Variants in PNLIP observed in about 807,000 individuals in gnomAD.
PNLIP encodes pancreatic triacylglycerol lipase.
Under a neutral mutation model 57.1 loss-of-function variants are expected in PNLIP, and 49 were observed. The observed-to-expected ratio is 0.86, with a 90% CI of 0.68 to 1.09. PNLIP has a LOEUF of 1.09. PNLIP is among the 50% of genes least tolerant of loss of function. The pLI is 0.00. For synonymous variants in PNLIP, 209 were observed against 200.4 expected, an observed-to-expected ratio of 1.04 and a Z score of -0.36; for missense variants, 503 against 570.2, an observed-to-expected ratio of 0.88 and a Z score of 1.20.
chr10:116,565,191 A>T (rs1271762878), intron 12 of PNLIP, among the ~76,000 whole-genome samples: 1 of 131,954 alleles, frequency 7.6e-6, no homozygotes, highest in African/African-American at 2.8e-5. Flanking sequence ...CGGAGCTTGC[A>T]GTGAGCCAAG....
intron 12 of PNLIP, 137 bp from the exon 13 acceptor site, chr10:116,567,598 C>T: frequency 1.4e-6 from 1 of 697,122 alleles, no homozygotes; most frequent in Non-Finnish European, 2.6e-6. Flanking sequence ...GGTCTTCCCT[C>T]AGCCATTGTC....
At chr10:116,549,376 G>A (rs748545858) in intron 4 of PNLIP, among the ~76,000 whole-genome samples, 1 of 152,164 alleles carries the variant, frequency 6.6e-6, no homozygotes, top group African/African-American at 2.4e-5. Context: ...CTACTCAGGA[G>A]GCTGAGGCAG....
chr10:116,547,550 C>G (rs552157482), intron 3 of PNLIP, 102 bp downstream of exon 3: 2 of 892,742 alleles, frequency 2.2e-6, no homozygotes, highest in Non-Finnish European at 3.4e-6. Context: ...CATGGTGAAA[C>G]CCCATCTCTA....
In PNLIP at chr10:116,548,502, C is replaced by T; in HGVS notation, c.324+20C>T. 1.2e-6 allele frequency: 2 copies of T among 1,609,602 alleles called. No individual in the cohort carries two copies. Among genetic ancestry groups the T allele is most frequent in the Non-Finnish European group, 1.7e-6 (2 of 1,177,934 alleles). Reference sequence around the variant, plus strand: ...TGCAAGGTGAGATGTGGTCATCTCTCAAGGAAAGATCGTTTCCAAAGTGGT... The same window carrying T: ...TGCAAGGTGAGATGTGGTCATCTCTTAAGGAAAGATCGTTTCCAAAGTGGT... On this transcript the variant is annotated intron_variant, in intron 4 of 12. Transcript: ENST00000369221.
chr10:116,565,818 AT>A (rs201572630), intron 12 of PNLIP, among the ~76,000 whole-genome samples: 2,825 of 135,526 alleles, frequency 0.021, 92 homozygotes, highest in African/African-American at 0.072. Flanking sequence ...ATTTATAGCA[AT>A]TTTTTTTTGA....
At chr10:116,551,585 C>T (rs1019557951) in intron 5 of PNLIP, among the ~76,000 whole-genome samples, 1 of 152,108 alleles carries the variant, frequency 6.6e-6, no homozygotes. Flanking sequence ...AAGAGAAGCA[C>T]GGTGATAACA....
At chr10:116,553,527 T>C (rs991486183) in intron 5 of PNLIP, among the ~76,000 whole-genome samples, 200 bp from the exon 6 acceptor site, 1 of 152,238 alleles carries the variant, frequency 6.6e-6, no homozygotes, top group African/African-American at 2.4e-5. Flanking sequence ...CTGTACAGAT[T>C]TGTAGCCTAG....
intron 12 of PNLIP, among the ~76,000 whole-genome samples, chr10:116,565,821 T>C (rs1589560527): frequency 2.6e-5 from 4 of 151,792 alleles, no homozygotes; most frequent in African/African-American, 9.7e-5. Flanking sequence ...TATAGCAATT[T>C]TTTTTTGAGA....
In PNLIP at chr10:116,551,130, C is replaced by T; in HGVS notation, c.357C>T (p.Ile119=). ...TCAAGGTGGAAAGTGTGAACTGTAT[C>T]TGTGTGGACTGGAAAGGTGGCTCCC... is the stretch of plus-strand genomic sequence containing the variant. The part of the protein sequence containing the change: ...NLFKVESVNC[I]CVDWKGGSRT... Residue 119 remains isoleucine, a synonymous_variant, in exon 5 of 13, where the codon ATC becomes ATT. Coordinates refer to ENST00000369221, the MANE Select transcript of PNLIP (RefSeq NM_000936.4). 3 of 1,611,290 alleles carry T rather than the reference C, an allele frequency of 1.9e-6. No individual in the cohort carries two copies. The highest frequency in any genetic ancestry group is 2.5e-6 in the Non-Finnish European group (3 of 1,178,410).
At chr10:116,564,879 A>G (rs2133209682) in intron 12 of PNLIP, among the ~76,000 whole-genome samples, 1 of 152,276 alleles carries the variant, frequency 6.6e-6, no homozygotes, top group South Asian at 2.1e-4. Context: ...TGAAACAACC[A>G]CTAAAGTAAT....
intron 12 of PNLIP, among the ~76,000 whole-genome samples, chr10:116,565,461 CTTT>C (rs559369951): frequency 4.5e-5 from 6 of 134,786 alleles, no homozygotes; most frequent in Non-Finnish European, 3.2e-5. Flanking sequence ...ATAAAATGCA[CTTT>C]TTTTTTTTTT....
chr10:116,555,192 G>C lies in PNLIP; in HGVS notation c.586G>C (p.Glu196Gln), dbSNP rs767277744. The C allele has an allele frequency of 5.0e-6, 8 of 1,614,148 alleles. No individual in the cohort carries two copies. The South Asian group carries it at 8.8e-5, about 18-fold the overall frequency. Reference protein sequence around the residue: ...IGRITGLDPAEPCFQGTPELV... With the variant: ...IGRITGLDPAQPCFQGTPELV... ...CTTTACTTTAGGGTTGGACCCAGCA[G>C]AACCTTGCTTTCAGGGCACACCTGA... Residue 196 changes from glutamate (E) to glutamine (Q), a missense_variant, in exon 7 of 13, where the codon GAA (glutamate) becomes CAA (glutamine). By Grantham distance (29) the Glu-to-Gln change is conservative. Transcript: ENST00000369221.
chr10:116,547,405 C>T lies in PNLIP; in HGVS notation c.158C>T (p.Thr53Ile). 1 of 1,614,026 alleles carries T rather than the reference C, an allele frequency of 6.2e-7. No homozygotes were observed. The highest frequency in any genetic ancestry group is 1.3e-5 in the African/African-American group (1 of 75,032). The change falls in exon 3 of 13, where the codon ACC becomes ATC. Residue 53 changes from threonine (T) to isoleucine (I), a missense_variant. Coordinates refer to ENST00000369221, the MANE Select transcript of PNLIP (RefSeq NM_000936.4). Reference protein sequence around the residue: ...ILPWSPKDVNTRFLLYTNENP... With the variant: ...ILPWSPKDVNIRFLLYTNENP... Reference sequence around the variant, plus strand: ...CCTTGGTCTCCAAAAGATGTCAACACCCGCTTCCTCCTATATACTAATGAG... The same window carrying T: ...CCTTGGTCTCCAAAAGATGTCAACATCCGCTTCCTCCTATATACTAATGAG...
At chr10:116,565,925 C>T (rs914989677) in intron 12 of PNLIP, among the ~76,000 whole-genome samples, 3 of 152,194 alleles carry the variant, frequency 2.0e-5, no homozygotes, top group Non-Finnish European at 2.9e-5. Flanking sequence ...TCTCCTGCCT[C>T]GGCCTCCCCA....
intron 8 of PNLIP, 90 bp downstream of exon 8, chr10:116,555,597 G>C (rs1847245012): frequency 5.1e-6 from 7 of 1,383,974 alleles, no homozygotes; most frequent in Non-Finnish European, 6.9e-6. Flanking sequence ...GAATTGTACA[G>C]GTCTCACATT....
chr10:116,566,509 G>A (rs1235299079), intron 12 of PNLIP, among the ~76,000 whole-genome samples: 1 of 152,166 alleles, frequency 6.6e-6, no homozygotes, highest in Non-Finnish European at 1.5e-5. Context: ...AGAGGTGTGT[G>A]TGTGTTGTGT....
At chr10:116,547,263 G>A (rs1847135959) in intron 2 of PNLIP, 31 bp from the exon 3 acceptor site, 1 of 1,610,506 alleles carries the variant, frequency 6.2e-7, no homozygotes, top group Admixed American at 1.7e-5. Flanking sequence ...GAGCATGTTT[G>A]TAAAACTAAT....
intron 12 of PNLIP, among the ~76,000 whole-genome samples, chr10:116,562,341 T>G (rs553313013): frequency 6.6e-6 from 1 of 152,230 alleles, no homozygotes; most frequent in South Asian, 2.1e-4. Context: ...ATAACCAAAA[T>G]TCAAACAAAG....
At chr10:116,556,319 T>TC (rs1440057303) in intron 9 of PNLIP, among the ~76,000 whole-genome samples, 1 of 152,238 alleles carries the variant, frequency 6.6e-6, no homozygotes, top group African/African-American at 2.4e-5. Flanking sequence ...CTGTTTACTT[T>TC]CATTTGTGTT....
Sources: allele counts gnomAD v4.1 joint callset (sites outside exome capture counted in the v4.1 genomes callset), GRCh38; gene constraint gnomAD v4.1.1; transcripts MANE v1.5; gene names NCBI Gene and HGNC (gene_info 2026-07-23, HGNC 2026-07-21).